The following GAB2 variants were observed in gnomAD, a reference collection of about 807,000 sequenced individuals.
GAB2 encodes GRB2 associated binding protein 2, also known as GRB2-associated-binding protein 2.
In GAB2, 26 loss-of-function variants were observed where a neutral mutation model predicts 65.5. The ratio of observed to expected loss-of-function variants is 0.40; its 90% CI spans 0.29 to 0.55. GAB2 has a LOEUF of 0.55. GAB2 is among the 20% of genes least tolerant of loss of function. GAB2 has a pLI of 0.53. For missense variants in GAB2, 884 were observed against 875.8 expected, an observed-to-expected ratio of 1.01 and a Z score of -0.12; for synonymous variants, 321 against 329.6, an observed-to-expected ratio of 0.97 and a Z score of 0.28.
chr11:78,326,579 TTC>T (rs1013023886), intron 1 of GAB2, among the ~76,000 whole-genome samples: 2 of 152,300 alleles, frequency 1.3e-5, no homozygotes, highest in Admixed American at 6.5e-5. Context: ...TTCAAATTAT[TTC>T]TGTCCTATCT....
intron 1 of GAB2, among the ~76,000 whole-genome samples, chr11:78,367,745 T>A (rs979039107): frequency 6.6e-6 from 1 of 152,098 alleles, no homozygotes; most frequent in Non-Finnish European, 1.5e-5. Context: ...TCAGCCAGTA[T>A]TAAGGAGGTG....
At chr11:78,276,095 C>T (rs182796414) in intron 2 of GAB2, among the ~76,000 whole-genome samples, 2 of 130,368 alleles carry the variant, frequency 1.5e-5, no homozygotes, top group Non-Finnish European at 3.1e-5. Flanking sequence ...GCCTGGACGA[C>T]AGAGCAAGAC....
rs573042422 is a variant in GAB2, at chr11:78,391,053, T to G, written c.75+26593A>C. Among the ~76,000 whole-genome samples, 9 of 152,290 alleles carry G rather than the reference T, an allele frequency of 5.9e-5. No homozygotes were observed. The South Asian group carries it at 1.9e-3, about 32-fold the overall frequency. On this transcript the variant is annotated intron_variant, in intron 1 of 9. Transcript: ENST00000361507. Reference sequence around the variant, plus strand: ...CCTTTGAAAAGATTCAAAGGAGACTTTATCCTGAAAAATAAATGTTATTGT... The same window carrying G: ...CCTTTGAAAAGATTCAAAGGAGACTGTATCCTGAAAAATAAATGTTATTGT...
rs551341278 is a variant in GAB2 at position 78,261,351 on chromosome 11, G to C, written c.377-10951C>G. On this transcript the variant is annotated intron_variant, in intron 2 of 9. Coordinates refer to ENST00000361507, the MANE Select transcript of GAB2 (RefSeq NM_080491.3). ...AAGGCGATCTTCAATAAACACACTAGAGCAGCAAGTTCTGTTGGAATCTTT... is the reference window on the plus strand; with the variant it reads ...AAGGCGATCTTCAATAAACACACTACAGCAGCAAGTTCTGTTGGAATCTTT... Among the ~76,000 whole-genome samples the C allele has an allele frequency of 2.0e-5, 3 of 152,286 alleles. No individual in the cohort carries two copies. In the South Asian group the frequency reaches 6.2e-4, roughly 32 times the overall value.
At chr11:78,276,227 G>C (rs1373726652) in intron 2 of GAB2, among the ~76,000 whole-genome samples, 2 of 151,968 alleles carry the variant, frequency 1.3e-5, no homozygotes, top group Admixed American at 6.6e-5. Flanking sequence ...TTGAGCCCAG[G>C]AGTTCGAGGC....
chr11:78,230,847 A>G (rs1864823519), intron 3 of GAB2, among the ~76,000 whole-genome samples: 1 of 152,248 alleles, frequency 6.6e-6, no homozygotes. Context: ...TAGATGGGGA[A>G]TTCCAAATAC....
chr11:78,407,275 C>T (rs1857056845), intron 1 of GAB2, among the ~76,000 whole-genome samples: 1 of 152,066 alleles, frequency 6.6e-6, no homozygotes, highest in Non-Finnish European at 1.5e-5. Context: ...GAAAATTCCA[C>T]ACCAAGACAC....
At chr11:78,222,049 C>T (rs781510451) in intron 7 of GAB2, 56 bp downstream of exon 7, 33 of 1,134,784 alleles carry the variant, frequency 2.9e-5, no homozygotes, top group Non-Finnish European at 3.4e-5. Context: ...TACCACATCA[C>T]TCATTTTCCC....
chr11:78,388,422 G>A (rs1856795480), intron 1 of GAB2, among the ~76,000 whole-genome samples: 2 of 151,952 alleles, frequency 1.3e-5, no homozygotes, highest in Non-Finnish European at 2.9e-5. Context: ...AACTTCCTGG[G>A]CTTGGGCAAT....
At chr11:78,355,077 G>A (rs1021774397) in intron 1 of GAB2, among the ~76,000 whole-genome samples, 12 of 152,218 alleles carry the variant, frequency 7.9e-5, no homozygotes, top group Non-Finnish European at 1.6e-4. Flanking sequence ...CACAGACGTG[G>A]AGCTTACTTA....
At chr11:78,246,264 T>C (rs537040867) in intron 3 of GAB2, among the ~76,000 whole-genome samples, 1 of 152,202 alleles carries the variant, frequency 6.6e-6, no homozygotes. Flanking sequence ...TAGTTTCAAG[T>C]GTGTTTTCCT....
chr11:78,313,388 G>T (rs1164400009), intron 1 of GAB2, among the ~76,000 whole-genome samples: 1 of 152,154 alleles, frequency 6.6e-6, no homozygotes, highest in African/African-American at 2.4e-5. Flanking sequence ...TCAATGAATG[G>T]TTCCTTTACT....
chr11:78,385,140 T>C (rs535302101), intron 1 of GAB2, among the ~76,000 whole-genome samples: 2 of 152,266 alleles, frequency 1.3e-5, no homozygotes, highest in East Asian at 3.8e-4. Context: ...GAATGAAAAT[T>C]GCCCAGAAAA....
intron 1 of GAB2, among the ~76,000 whole-genome samples, chr11:78,371,670 G>A (rs1856572831): frequency 6.6e-6 from 1 of 152,174 alleles, no homozygotes; most frequent in Non-Finnish European, 1.5e-5. Flanking sequence ...CATGCTTATA[G>A]CTGGGGCTAA....
chr11:78,222,562 T>C (rs1864483725), intron 6 of GAB2, among the ~76,000 whole-genome samples: 1 of 148,540 alleles, frequency 6.7e-6, no homozygotes, highest in African/African-American at 2.4e-5. Context: ...TATAAAAATA[T>C]ATACTATTTA....
At chr11:78,405,100 T>C (rs1857025266) in intron 1 of GAB2, among the ~76,000 whole-genome samples, 1 of 144,286 alleles carries the variant, frequency 6.9e-6, no homozygotes, top group Admixed American at 6.9e-5. Flanking sequence ...GATTTTTTTT[T>C]TTTTTTTTTT....
At chr11:78,343,021 G>T (rs1208703167) in intron 1 of GAB2, among the ~76,000 whole-genome samples, 1 of 151,998 alleles carries the variant, frequency 6.6e-6, no homozygotes, top group African/African-American at 2.4e-5. Context: ...CCACATAAGG[G>T]GTTCAGATGT....
intron 1 of GAB2, among the ~76,000 whole-genome samples, chr11:78,301,896 A>T (rs996639424): frequency 2.0e-5 from 3 of 152,198 alleles, no homozygotes; most frequent in Non-Finnish European, 4.4e-5. Context: ...CAAATATTTA[A>T]AGCCAACTGA....
intron 1 of GAB2, among the ~76,000 whole-genome samples, chr11:78,286,759 A>T (rs967283726): frequency 1.3e-5 from 2 of 152,204 alleles, no homozygotes; most frequent in Non-Finnish European, 2.9e-5. Context: ...TGTTCCCTTC[A>T]TTCTGATAAG....
Sources: allele counts gnomAD v4.1 joint callset (sites outside exome capture counted in the v4.1 genomes callset), GRCh38; gene constraint gnomAD v4.1.1; transcripts MANE v1.5; gene names NCBI Gene and HGNC (gene_info 2026-07-23, HGNC 2026-07-21).